CTDSPL: variants seen among roughly 807,000 people sequenced by gnomAD.
CTDSPL encodes the protein CTD small phosphatase-like protein.
In CTDSPL, 8 loss-of-function variants were observed where a neutral mutation model predicts 30.5. That is an observed-to-expected ratio of 0.26 (90% CI 0.15 to 0.47). The LOEUF is 0.47. Ranked by LOEUF, CTDSPL falls within the 20% of genes least tolerant of loss-of-function variation. The pLI, the probability that CTDSPL is intolerant of heterozygous loss-of-function variation, is 0.99. For missense variants in CTDSPL, 248 were observed against 366.1 expected (o/e 0.68, Z 2.63); for synonymous variants, 110 against 137.9 (o/e 0.80, Z 1.42).
chr3:37,962,342 G>A (rs976839757), intron 3 of CTDSPL, among the ~76,000 whole-genome samples: 4 of 152,318 alleles, frequency 2.6e-5, no homozygotes, highest in South Asian at 4.1e-4. Flanking sequence ...AAACAGCAGA[G>A]GATTAATGGA....
At chr3:37,972,338 A>G (rs185291992) in intron 6 of CTDSPL, among the ~76,000 whole-genome samples, 8 of 152,232 alleles carry the variant, frequency 5.3e-5, no homozygotes, top group African/African-American at 1.7e-4. Context: ...CTCAAAATAC[A>G]AAAATTAACT....
intron 1 of CTDSPL, among the ~76,000 whole-genome samples, chr3:37,904,504 G>A (rs767462175): frequency 4.7e-4 from 72 of 152,244 alleles, no homozygotes; most frequent in Non-Finnish European, 8.5e-4. Flanking sequence ...GATAAATGGG[G>A]GCACCTGTCA....
rs1332063682 is a variant in CTDSPL, at chr3:37,862,683, AG to A, written c.79+408del. ...CTCACAGAGAGGTTGTGAGATTGTA[AG>A]GGTTTGCGCACCTAACGGAGATGTT... On this transcript the variant is annotated intron_variant, in intron 1 of 7. Coordinates refer to ENST00000273179, the MANE Select transcript of CTDSPL (RefSeq NM_001008392.2). This position sits in a 1 kb window ranked among gnomAD's most constrained non-coding sequence, Gnocchi z 4.3. 6.6e-6 allele frequency among the ~76,000 whole-genome samples: 1 copy of A among 152,146 alleles called. No individual in the cohort carries two copies. The highest frequency in any genetic ancestry group is 6.5e-5 in the Admixed American group (1 of 15,286).
rs183826611 is a variant in CTDSPL at position 37,968,368 on chromosome 3, A to T, written c.426+486A>T. On this transcript the variant is annotated intron_variant, in intron 5 of 7. Coordinates refer to ENST00000273179, the MANE Select transcript of CTDSPL (RefSeq NM_001008392.2). ...AGCAAATACCCACCCCAAAAGAAAA[A>T]GGGGGAAGGGTGTGAGTTTTCGGAT... is the stretch of plus-strand genomic sequence containing the variant. 3.9e-3 allele frequency: 1,442 copies of T among 366,900 alleles called. 9 individuals carry two copies. The highest frequency in any genetic ancestry group is 4.7e-3 in the Non-Finnish European group (847 of 181,404). 22.7% of individuals were successfully genotyped at this position (366,900 alleles called of 1,614,324 possible). A position where few individuals can be genotyped will look rare whatever the true frequency, so the allele number is the denominator to read the frequency against.
At chr3:37,875,817 A>G (rs1204456622) in intron 1 of CTDSPL, among the ~76,000 whole-genome samples, 1 of 152,272 alleles carries the variant, frequency 6.6e-6, no homozygotes, top group Non-Finnish European at 1.5e-5. Flanking sequence ...CAATCGTGAA[A>G]TAAGTATAAA....
intron 1 of CTDSPL, among the ~76,000 whole-genome samples, chr3:37,878,552 G>A (rs1698164800): frequency 6.6e-6 from 1 of 152,136 alleles, no homozygotes; most frequent in Admixed American, 6.5e-5. Context: ...TTTCCTTACT[G>A]TGAAGCAGTG....
chr3:37,932,878 C>T (rs538143108), intron 1 of CTDSPL, among the ~76,000 whole-genome samples: 3 of 152,284 alleles, frequency 2.0e-5, no homozygotes, highest in Non-Finnish European at 2.9e-5. Context: ...ACTGGCTGGG[C>T]GCAGTGGCTC....
At chr3:37,960,505 A>AAAATATAT (rs1553686722) in intron 3 of CTDSPL, among the ~76,000 whole-genome samples, 1 of 38,524 alleles carries the variant, frequency 2.6e-5, no homozygotes, top group Non-Finnish European at 4.4e-5. Context: ...AAAAAAAAAA[A>AAAATATAT]ATATATATAT....
At chr3:37,939,498 G>A (rs1698953723) in intron 1 of CTDSPL, among the ~76,000 whole-genome samples, 1 of 150,068 alleles carries the variant, frequency 6.7e-6, no homozygotes, top group South Asian at 2.2e-4. Flanking sequence ...CTGGATCTTG[G>A]CTGCATTGGT....
chr3:37,971,290 C>T, intron 5 of CTDSPL, 117 bp from the exon 6 acceptor site: 1 of 845,600 alleles, frequency 1.2e-6, no homozygotes, highest in East Asian at 2.7e-5. Context: ...TATGCATAGA[C>T]CTGGGGGAGG....
At chr3:37,957,447 G>C (rs1264254761) in intron 3 of CTDSPL, among the ~76,000 whole-genome samples, 6 of 152,132 alleles carry the variant, frequency 3.9e-5, no homozygotes. Context: ...GTTGCTCAGA[G>C]GCCTCACCCA....
At chr3:37,892,028 A>G (rs1490756609) in intron 1 of CTDSPL, among the ~76,000 whole-genome samples, 1 of 152,356 alleles carries the variant, frequency 6.6e-6, no homozygotes, top group East Asian at 1.9e-4. Flanking sequence ...ATCTTTTAAT[A>G]TCAGAACCTA....
chr3:37,947,669 AT>A (rs2125622776), intron 2 of CTDSPL, among the ~76,000 whole-genome samples: 1 of 152,374 alleles, frequency 6.6e-6, no homozygotes, highest in South Asian at 2.1e-4. Context: ...AGGATATCTC[AT>A]TTAGCAACTA....
intron 1 of CTDSPL, among the ~76,000 whole-genome samples, chr3:37,868,850 A>G (rs1161126277): frequency 6.6e-6 from 1 of 152,060 alleles, no homozygotes; most frequent in Non-Finnish European, 1.5e-5. Flanking sequence ...GATGCTTCCA[A>G]CTTTTGTTCT....
chr3:37,890,316 A>G (rs1698310513), intron 1 of CTDSPL, among the ~76,000 whole-genome samples: 1 of 152,268 alleles, frequency 6.6e-6, no homozygotes, highest in African/African-American at 2.4e-5. Flanking sequence ...AAGGGAAAAT[A>G]AAACAAAACT....
intron 3 of CTDSPL, among the ~76,000 whole-genome samples, chr3:37,960,080 C>A (rs528313772): frequency 2.0e-5 from 3 of 151,900 alleles, no homozygotes; most frequent in Non-Finnish European, 4.4e-5. Flanking sequence ...TGGCCGGGTG[C>A]GGTGGCTCAC....
intron 7 of CTDSPL, among the ~76,000 whole-genome samples, chr3:37,979,063 A>G (rs767494540): frequency 8.7e-4 from 132 of 152,156 alleles, no homozygotes; most frequent in Non-Finnish European, 1.7e-3. Context: ...GTGTATGTTT[A>G]ATAATTTCAG....
intron 1 of CTDSPL, among the ~76,000 whole-genome samples, chr3:37,946,585 AG>A (rs1291906577): frequency 2.0e-5 from 3 of 152,204 alleles, no homozygotes. Flanking sequence ...CATAGTGAGC[AG>A]GGGATGTCCA....
At chr3:37,894,430 T>C (rs994011678) in intron 1 of CTDSPL, among the ~76,000 whole-genome samples, 2 of 152,058 alleles carry the variant, frequency 1.3e-5, no homozygotes, top group Non-Finnish European at 2.9e-5. Flanking sequence ...CAAATGCTGT[T>C]ATAACGATCT....
Sources: allele counts gnomAD v4.1 joint callset (sites outside exome capture counted in the v4.1 genomes callset), GRCh38; gene constraint gnomAD v4.1.1; non-coding constraint Gnocchi (gnomAD v3.1); transcripts MANE v1.5; gene names NCBI Gene and HGNC (gene_info 2026-07-23, HGNC 2026-07-21).